The following ZBTB7C variants were observed in gnomAD, a reference collection of about 807,000 sequenced individuals.
ZBTB7C encodes zinc finger and BTB domain containing 7C, also known as zinc finger and BTB domain-containing protein 7C.
ZBTB7C carries 8 observed loss-of-function variants against 25.7 expected under a neutral mutation model. That is an observed-to-expected ratio of 0.31 (90% CI 0.18 to 0.56). The LOEUF (loss-of-function observed/expected upper bound fraction) is 0.56, where lower values mean the gene tolerates loss of function less well. ZBTB7C is among the 20% of genes least tolerant of loss of function. The probability of loss-of-function intolerance (pLI) is 0.91; values close to 1 mark genes in which losing one functional copy is unlikely to be tolerated. For synonymous variants in ZBTB7C, 394 were observed against 369.0 expected, an observed-to-expected ratio of 1.07 and a Z score of -0.78; for missense variants, 824 against 855.2, an observed-to-expected ratio of 0.96 and a Z score of 0.46.
At chr18:48,052,754 C>T (rs188378607) in intron 3 of ZBTB7C, among the ~76,000 whole-genome samples, 135 of 152,282 alleles carry the variant, frequency 8.9e-4, no homozygotes, top group South Asian at 7.1e-3. Flanking sequence ...GACCTTGAAG[C>T]GGCCGGGTCC....
At chr18:48,032,805 A>G (rs1027525690) in intron 4 of ZBTB7C, among the ~76,000 whole-genome samples, 3 of 152,012 alleles carry the variant, frequency 2.0e-5, no homozygotes, top group Admixed American at 6.5e-5. Context: ...CTCTCAAACA[A>G]TGGACAATAT....
In ZBTB7C at chr18:48,371,909, C is replaced by T. The variant is rs536103844; in HGVS notation, c.-303-33511G>A. 2.7e-3 allele frequency among the ~76,000 whole-genome samples: 405 copies of T among 152,328 alleles called. 2 individuals carry two copies. The highest frequency in any genetic ancestry group is 9.2e-3 in the African/African-American group (383 of 41,568). ...GCTCCAATCGCCAGCTGATCACTCA[C>T]TCCACACATGTTAACTGAGGACCTA... On this transcript the variant is annotated intron_variant, in intron 1 of 4. Transcript: ENST00000590800.
chr18:48,112,163 ATTTG>A (rs1208455315), intron 3 of ZBTB7C, among the ~76,000 whole-genome samples: 1 of 151,970 alleles, frequency 6.6e-6, no homozygotes, highest in South Asian at 2.1e-4. Flanking sequence ...AATGATCCCA[ATTTG>A]TTTAATAAAA....
intron 3 of ZBTB7C, among the ~76,000 whole-genome samples, chr18:48,081,417 T>C (rs900121286): frequency 6.6e-6 from 1 of 152,110 alleles, no homozygotes; most frequent in Non-Finnish European, 1.5e-5. Flanking sequence ...GCTGTGGTTT[T>C]GCTCATTCTA....
intron 3 of ZBTB7C, among the ~76,000 whole-genome samples, chr18:48,079,285 A>G (rs1484996553): frequency 1.3e-5 from 2 of 152,212 alleles, no homozygotes; most frequent in Non-Finnish European, 2.9e-5. Context: ...CGTTGCCCTT[A>G]TTATGGGGTC....
intron 2 of ZBTB7C, among the ~76,000 whole-genome samples, chr18:48,314,297 A>G (rs927815745): frequency 6.6e-6 from 1 of 152,182 alleles, no homozygotes; most frequent in Admixed American, 6.5e-5. Flanking sequence ...TTCGTCTACA[A>G]TGATCTTTCC....
chr18:48,310,490 C>T (rs7236706), intron 2 of ZBTB7C, among the ~76,000 whole-genome samples: 26,934 of 151,682 alleles, frequency 0.18, 2,478 homozygotes, highest in African/African-American at 0.2. Flanking sequence ...GAACAAGCAG[C>T]CTTTCTGTCT....
chr18:48,354,834 C>T lies in ZBTB7C; in HGVS notation c.-303-16436G>A, dbSNP rs943241458. Among the ~76,000 whole-genome samples the T allele has an allele frequency of 3.9e-5, 6 of 152,174 alleles. No individual in the cohort carries two copies. In the East Asian group the frequency reaches 5.8e-4, roughly 15 times the overall value. On this transcript the variant is annotated intron_variant, in intron 1 of 4. Coordinates refer to ENST00000590800, the MANE Select transcript of ZBTB7C (RefSeq NM_001318841.2). The stretch of plus-strand genomic sequence containing the variant: ...AGGGAGACAGAGGGGACTGAATAAA[C>T]GGAGCTGTGCCATTGGGAGTCCACC...
rs935416452 is a variant in ZBTB7C, at chr18:48,029,929, G to C, written c.1209-18C>G. 11 of 1,609,348 alleles carry C rather than the reference G, an allele frequency of 6.8e-6. No individual in the cohort carries two copies. Among genetic ancestry groups the C allele is most frequent in the Non-Finnish European group, 9.3e-6 (11 of 1,179,978 alleles). On this transcript the variant is annotated intron_variant, in intron 4 of 4. Transcript: ENST00000590800. ...TGTCCTGCCTGCAATGCAGAGACTGGGGGTCAGTCCCGCAGGGAACACCAG... is the reference window on the plus strand; with the variant it reads ...TGTCCTGCCTGCAATGCAGAGACTGCGGGTCAGTCCCGCAGGGAACACCAG...
At chr18:48,348,198 GGAGTT>G (rs1484637732) in intron 1 of ZBTB7C, among the ~76,000 whole-genome samples, 1 of 152,212 alleles carries the variant, frequency 6.6e-6, no homozygotes, top group Non-Finnish European at 1.5e-5. Context: ...CACACTGTTA[GGAGTT>G]GATGCCGTCA....
chr18:48,165,351 C>A, intron 3 of ZBTB7C: 1 of 393,788 alleles, frequency 2.5e-6, no homozygotes. Flanking sequence ...CAATGAGTGT[C>A]CAGTGATGAG....
chr18:48,032,289 T>A lies in ZBTB7C; in HGVS notation c.1209-2378A>T, dbSNP rs575614443. ...CCACCACGCCCGGCTAATTTTTGTA[T>A]TTTTTTAAGTAGAAACGGGCCTTCA... On this transcript the variant is annotated intron_variant, in intron 4 of 4. Transcript: ENST00000590800. 2.0e-5 allele frequency among the ~76,000 whole-genome samples: 3 copies of A among 151,580 alleles called. No individual in the cohort carries two copies. In the East Asian group the frequency reaches 5.9e-4, roughly 30 times the overall value.
At chr18:48,166,237 C>T (rs1239319492) in intron 3 of ZBTB7C, among the ~76,000 whole-genome samples, 3 of 152,186 alleles carry the variant, frequency 2.0e-5, no homozygotes, top group Admixed American at 6.5e-5. Context: ...AACTTCCCAA[C>T]GTTCCCCTCC....
chr18:48,137,158 C>A (rs1187720174), intron 3 of ZBTB7C: 12 of 985,344 alleles, frequency 1.2e-5, no homozygotes, highest in Non-Finnish European at 1.4e-5. Flanking sequence ...CGAGTTAAGC[C>A]ATTCCAGGAG....
At chr18:48,079,106 G>A (rs967490037) in intron 3 of ZBTB7C, among the ~76,000 whole-genome samples, 13 of 152,212 alleles carry the variant, frequency 8.5e-5, no homozygotes, top group Non-Finnish European at 1.8e-4. Context: ...AATTTCTAGA[G>A]CTGGGGTGAA....
intron 2 of ZBTB7C, among the ~76,000 whole-genome samples, chr18:48,301,303 A>C (rs1940275275): frequency 6.6e-6 from 1 of 152,050 alleles, no homozygotes; most frequent in African/African-American, 2.4e-5. Context: ...ACATGGCAAA[A>C]CCCTGTCTCT....
At chr18:48,066,420 C>T (rs184220700) in intron 3 of ZBTB7C, among the ~76,000 whole-genome samples, 23 of 152,304 alleles carry the variant, frequency 1.5e-4, no homozygotes, top group African/African-American at 4.8e-4. Context: ...TGATTTAAAG[C>T]AAAATCTATT....
intron 3 of ZBTB7C, chr18:48,185,206 G>A (rs1157657495): frequency 3.0e-6 from 1 of 336,138 alleles, no homozygotes; most frequent in South Asian, 2.4e-5. Flanking sequence ...TTCCTGGAAT[G>A]GCCTCCCTCC....
chr18:48,159,538 T>C (rs2040937931), intron 3 of ZBTB7C, among the ~76,000 whole-genome samples: 1 of 152,204 alleles, frequency 6.6e-6, no homozygotes, highest in African/African-American at 2.4e-5. Context: ...CCTACACTAA[T>C]TCATTCATCA....
Sources: gnomAD v4.1 joint callset for allele counts (sites outside exome capture counted in the v4.1 genomes callset) on GRCh38, gnomAD v4.1.1 for gene constraint, MANE v1.5 for transcripts, NCBI Gene and HGNC (gene_info 2026-07-23, HGNC 2026-07-21) for gene names.